TOGARAM2: variants seen among roughly 807,000 people sequenced by gnomAD.
TOGARAM2 encodes the protein TOG array regulator of axonemal microtubules protein 2.
TOGARAM2 carries 85 observed loss-of-function variants against 93.3 expected under a neutral mutation model. That is an observed-to-expected ratio of 0.91 (90% CI 0.76 to 1.09). The LOEUF is 1.09. TOGARAM2 is among the 50% of genes least tolerant of loss of function. TOGARAM2 has a pLI of 0.00. For missense variants in TOGARAM2, 1,277 were observed against 1,334.5 expected, an observed-to-expected ratio of 0.96 and a Z score of 0.67; for synonymous variants, 593 against 552.8, an observed-to-expected ratio of 1.07 and a Z score of -1.02.
At chr2:28,966,807 G>A (rs956253931) in intron 1 of TOGARAM2, among the ~76,000 whole-genome samples, 2 of 152,132 alleles carry the variant, frequency 1.3e-5, no homozygotes, top group Admixed American at 6.6e-5. Context: ...ACCACATGAT[G>A]GTTTATAATG....
intron 1 of TOGARAM2, among the ~76,000 whole-genome samples, chr2:28,957,040 G>T (rs1483008568): frequency 6.6e-6 from 1 of 151,798 alleles, no homozygotes; most frequent in East Asian, 2.0e-4. Context: ...GGAGGCGGAG[G>T]TTGCAGTGAG....
rs564858707 is a variant in TOGARAM2 at position 29,038,686 on chromosome 2, C to T, written c.2635+1929C>T. Among the ~76,000 whole-genome samples the T allele has an allele frequency of 1.6e-3, 239 of 152,164 alleles. 1 individual carries two copies. Among genetic ancestry groups the T allele is most frequent in the Non-Finnish European group, 2.4e-3 (165 of 68,012 alleles). On this transcript the variant is annotated intron_variant, in intron 18 of 19. Transcript: ENST00000379558. ...TCTTGAACTCCTGACCTCAGGCGAT[C>T]CATCTGCCTCGGCCTCCCAAAGTGC... is the stretch of plus-strand genomic sequence containing the variant.
intron 5 of TOGARAM2, among the ~76,000 whole-genome samples, chr2:29,002,977 GCT>G (rs1673397992): frequency 6.6e-6 from 1 of 152,198 alleles, no homozygotes; most frequent in Non-Finnish European, 1.5e-5. Context: ...GCTCTGGGTG[GCT>G]GTGCCAGAGG....
At chr2:29,031,141 G>C (rs1665745971) in intron 14 of TOGARAM2, among the ~76,000 whole-genome samples, 1 of 152,184 alleles carries the variant, frequency 6.6e-6, no homozygotes. Flanking sequence ...GTTGGGCTAG[G>C]CAGTGATTAG....
chr2:29,032,944 C>T lies in TOGARAM2; in HGVS notation c.2023C>T (p.Arg675Trp), dbSNP rs531335768. Residue 675 changes from arginine to tryptophan, a missense_variant, in exon 15 of 20, where the codon CGG (arginine) becomes TGG (tryptophan). By Grantham distance (101) the Arg-to-Trp change is moderately radical. Coordinates refer to ENST00000379558, the MANE Select transcript of TOGARAM2 (RefSeq NM_199280.4). ...DSNQDTRFYGRKMVNILMANT... is the reference protein window; with the variant it reads ...DSNQDTRFYGWKMVNILMANT... ...TCTCTCCTGTGGCAGATTTTATGGC[C>T]GGAAGATGGTGAATATCTTGATGGC... The T allele has an allele frequency of 4.1e-5, 66 of 1,613,246 alleles. No individual in the cohort carries two copies. Among genetic ancestry groups the T allele is most frequent in the East Asian group, 6.7e-5 (3 of 44,896 alleles).
chr2:29,007,571 A>G (rs1558426568), intron 6 of TOGARAM2, among the ~76,000 whole-genome samples: 1 of 151,924 alleles, frequency 6.6e-6, no homozygotes, highest in Non-Finnish European at 1.5e-5. Flanking sequence ...GTGCCTAGCC[A>G]GTATCCTTGC....
intron 4 of TOGARAM2, 119 bp downstream of exon 4, chr2:28,999,587 A>T (rs746818033): frequency 2.6e-6 from 3 of 1,169,250 alleles, no homozygotes; most frequent in Non-Finnish European, 3.5e-6. Context: ...CCTGGGGGTG[A>T]TCGGTGGGTA....
In TOGARAM2 at chr2:29,006,932, C is replaced by A. The variant is rs1021204046; in HGVS notation, c.830+3250C>A. ...TGTGGCCTTTCCTCTTATCTCTTTA[C>A]TCTTGACTTTTTTGCATCATTTGAA... On this transcript the variant is annotated intron_variant, in intron 6 of 19. Transcript: ENST00000379558. Among the ~76,000 whole-genome samples, 2 of 152,166 alleles carry A rather than the reference C, an allele frequency of 1.3e-5. 1 individual carries two copies. Among genetic ancestry groups the A allele is most frequent in the Non-Finnish European group, 2.9e-5 (2 of 68,028 alleles).
intron 5 of TOGARAM2, 136 bp from the exon 6 acceptor site, chr2:29,003,356 G>A (rs4666160): frequency 0.064 from 40,151 of 622,590 alleles, 2,068 homozygotes; most frequent in South Asian, 0.2. Context: ...TAAGGAAGCA[G>A]TCAGGCTTCT....
At chr2:28,999,801 G>T (rs1014035360) in intron 4 of TOGARAM2, among the ~76,000 whole-genome samples, 1 of 152,224 alleles carries the variant, frequency 6.6e-6, no homozygotes, top group African/African-American at 2.4e-5. Flanking sequence ...GATGTGCTTA[G>T]ACTAAGATCC....
intron 18 of TOGARAM2, 105 bp from the exon 19 acceptor site, chr2:29,045,219 G>T: frequency 3.7e-6 from 3 of 817,074 alleles, no homozygotes; most frequent in South Asian, 3.3e-5. Flanking sequence ...CTCCCCCAAA[G>T]GCCTCATCCC....
chr2:29,030,162 G>A (rs186570011), intron 14 of TOGARAM2, among the ~76,000 whole-genome samples: 24 of 152,288 alleles, frequency 1.6e-4, no homozygotes, highest in African/African-American at 5.8e-4. Context: ...TGTGGTCCCA[G>A]CTACTTGAGA....
chr2:29,029,274 C>CAG (rs1158238729), intron 14 of TOGARAM2, among the ~76,000 whole-genome samples: 1 of 151,910 alleles, frequency 6.6e-6, no homozygotes, highest in African/African-American at 2.4e-5. Context: ...TACACACACA[C>CAG]ACACACACAC....
intron 18 of TOGARAM2, among the ~76,000 whole-genome samples, chr2:29,044,779 T>C (rs1045653065): frequency 6.6e-6 from 1 of 152,126 alleles, no homozygotes. Context: ...TGGGTACATC[T>C]TGGTGGGTAG....
At position 29,026,974 on chromosome 2, in the gene TOGARAM2, C is replaced by T. The variant is rs1173735357; in HGVS notation, c.1975C>T (p.Leu659=). Residue 659 remains leucine, a synonymous_variant, in exon 14 of 20, where the codon CTG becomes TTG. Transcript: ENST00000379558. ...RDSTDMLVHN[L]VRLAQDSNQD... is the part of the protein sequence containing the mutation. Reference sequence around the variant, plus strand: ...CAGCACAGACATGTTGGTGCACAACCTGGTGAGGCTGGCACAGGACTCCAA... The same window carrying T: ...CAGCACAGACATGTTGGTGCACAACTTGGTGAGGCTGGCACAGGACTCCAA... 3.8e-6 allele frequency: 6 copies of T among 1,565,670 alleles called. No individual in the cohort carries two copies. The South Asian group carries it at 7.1e-5, about 19-fold the overall frequency.
intron 5 of TOGARAM2, 148 bp downstream of exon 5, chr2:29,002,895 C>A: frequency 4.1e-6 from 3 of 728,976 alleles, no homozygotes; most frequent in Non-Finnish European, 6.7e-6. Flanking sequence ...ATAGGGACAG[C>A]ACTGGGAGAG....
intron 1 of TOGARAM2, among the ~76,000 whole-genome samples, chr2:28,966,443 G>A (rs952578360): frequency 4.6e-5 from 7 of 151,846 alleles, no homozygotes; most frequent in South Asian, 4.2e-4. Flanking sequence ...GACTACAGGC[G>A]CACACCACCA....
chr2:28,999,569 TG>T, intron 4 of TOGARAM2, 101 bp downstream of exon 4: 1 of 1,320,044 alleles, frequency 7.6e-7, no homozygotes, highest in South Asian at 1.5e-5. Context: ...GGTGGCATGC[TG>T]GGATGCCCTG....
At chr2:28,978,203 G>A (rs554418720), upstream of TOGARAM2, among the ~76,000 whole-genome samples, 6 of 152,228 alleles carry the variant, frequency 3.9e-5, no homozygotes, top group East Asian at 5.8e-4. Flanking sequence ...CACCGTGCCC[G>A]GCCGGAGATG....
Sources: allele counts gnomAD v4.1 joint callset (sites outside exome capture counted in the v4.1 genomes callset), GRCh38; gene constraint gnomAD v4.1.1; transcripts MANE v1.5; gene names NCBI Gene and HGNC (gene_info 2026-07-23, HGNC 2026-07-21).